Variants in SLCO1B1 observed in about 807,000 individuals in gnomAD.
The protein encoded by SLCO1B1 is solute carrier organic anion transporter family member 1B1.
A neutral mutation model predicts 70.1 loss-of-function variants in SLCO1B1; 81 were observed. That is an observed-to-expected ratio of 1.16 (90% CI 0.97 to 1.39). SLCO1B1 has a LOEUF of 1.39. Ranked by LOEUF, SLCO1B1 falls within the 40% of genes most tolerant of loss-of-function variation. SLCO1B1 has a pLI of 0.00. For missense variants in SLCO1B1, 895 were observed against 799.6 expected, an observed-to-expected ratio of 1.12 and a Z score of -1.44; for synonymous variants, 283 against 271.5, an observed-to-expected ratio of 1.04 and a Z score of -0.42.
At chr12:21,212,935 T>C (rs1435495399) in intron 11 of SLCO1B1, among the ~76,000 whole-genome samples, 9 of 151,970 alleles carry the variant, frequency 5.9e-5, no homozygotes, top group African/African-American at 1.9e-4. Flanking sequence ...TCCTCCATCC[T>C]TTTATTTTGA....
intron 2 of SLCO1B1, among the ~76,000 whole-genome samples, chr12:21,172,076 A>G (rs1344022842): frequency 6.6e-6 from 1 of 152,218 alleles, no homozygotes; most frequent in East Asian, 1.9e-4. Flanking sequence ...AAATTTGTTT[A>G]TGGATATAAA....
intron 7 of SLCO1B1, among the ~76,000 whole-genome samples, chr12:21,183,919 TA>T (rs1299396412): frequency 6.6e-6 from 1 of 151,246 alleles, no homozygotes; most frequent in African/African-American, 2.4e-5. Flanking sequence ...CTTCTGGAAT[TA>T]AAAAAAATAC....
intron 1 of SLCO1B1, among the ~76,000 whole-genome samples, chr12:21,132,959 G>A (rs1412341067): frequency 6.6e-6 from 1 of 151,832 alleles, no homozygotes; most frequent in Non-Finnish European, 1.5e-5. Flanking sequence ...GGTTTTTATG[G>A]TTTTAGGTCT....
At chr12:21,154,294 G>T (rs1028876852) in intron 2 of SLCO1B1, among the ~76,000 whole-genome samples, 2 of 151,998 alleles carry the variant, frequency 1.3e-5, no homozygotes, top group African/African-American at 4.8e-5. Context: ...TGAAGGTAGA[G>T]TCCTCATGAA....
At position 21,239,204 on chromosome 12, in the gene SLCO1B1, C is replaced by T. The variant is rs748196772; in HGVS notation, c.*15C>T. The T allele has an allele frequency of 2.6e-6, 4 of 1,554,946 alleles. No homozygotes were observed. The highest frequency in any genetic ancestry group is 1.1e-5 in the South Asian group (1 of 89,878). On this transcript the variant is annotated 3_prime_UTR_variant, in exon 15 of 15. Coordinates refer to ENST00000256958, the MANE Select transcript of SLCO1B1 (RefSeq NM_006446.5). ...CACATTGTTAAGGGGAGAAAAAAAG[C>T]CACTTCTGCTTCTGTGTTTCCAAAC...
intron 12 of SLCO1B1, among the ~76,000 whole-genome samples, chr12:21,220,938 T>C (rs75702089): frequency 0.014 from 2,122 of 152,106 alleles, 47 homozygotes; most frequent in African/African-American, 0.049. Flanking sequence ...TATAACATGA[T>C]CAAGTTGTTT....
intron 5 of SLCO1B1, 25 bp from the exon 6 acceptor site, chr12:21,178,551 A>G (rs943611305): frequency 4.5e-6 from 7 of 1,542,644 alleles, no homozygotes; most frequent in African/African-American, 1.4e-5. Context: ...AATGTTTAAA[A>G]TGAAACACTC....
intron 2 of SLCO1B1, among the ~76,000 whole-genome samples, chr12:21,165,323 G>C (rs889513031): frequency 6.6e-6 from 1 of 152,016 alleles, no homozygotes; most frequent in African/African-American, 2.4e-5. Context: ...GGAGACGGTA[G>C]CTCAAACTGA....
At chr12:21,150,932 C>T (rs928283491) in intron 2 of SLCO1B1, among the ~76,000 whole-genome samples, 2 of 152,080 alleles carry the variant, frequency 1.3e-5, no homozygotes, top group Non-Finnish European at 2.9e-5. Flanking sequence ...AGATCATTTG[C>T]GTTAAAAGTG....
chr12:21,199,832 T>G (rs1028215250), intron 8 of SLCO1B1, among the ~76,000 whole-genome samples: 7 of 152,056 alleles, frequency 4.6e-5, no homozygotes, highest in African/African-American at 1.7e-4. Context: ...GGAGTCTTGT[T>G]GCTCTATTGC....
intron 14 of SLCO1B1, among the ~76,000 whole-genome samples, chr12:21,238,081 C>T (rs1478135715): frequency 6.6e-6 from 1 of 152,104 alleles, no homozygotes; most frequent in Non-Finnish European, 1.5e-5. Flanking sequence ...CTTTCCATTA[C>T]ACCCACTTAT....
Position 21,178,682 on chromosome 12 carries a change from T to C in SLCO1B1, c.588T>C (p.Ile196=). 6.2e-7 allele frequency: 1 copy of C among 1,607,238 alleles called. No homozygotes were observed. Among genetic ancestry groups the C allele is most frequent in the Non-Finnish European group, 8.5e-7 (1 of 1,173,766 alleles). ...TPIVPLGLSY[I]DDFAKEGHSS... is the part of the protein sequence containing the mutation. Reference sequence around the variant, plus strand: ...TAGTACCATTGGGGCTTTCTTACATTGATGATTTCGCTAAAGAAGGACATT... The same window carrying C: ...TAGTACCATTGGGGCTTTCTTACATCGATGATTTCGCTAAAGAAGGACATT... Residue 196 remains isoleucine, a synonymous_variant, in exon 6 of 15, where the codon ATT becomes ATC. Coordinates refer to ENST00000256958, the MANE Select transcript of SLCO1B1 (RefSeq NM_006446.5).
At chr12:21,237,152 A>G (rs1055626838) in intron 14 of SLCO1B1, among the ~76,000 whole-genome samples, 2 of 152,122 alleles carry the variant, frequency 1.3e-5, no homozygotes, top group African/African-American at 4.8e-5. Context: ...TAAATAGTCT[A>G]TATGACTCTG....
At chr12:21,146,324 T>C (rs1231245718) in intron 2 of SLCO1B1, among the ~76,000 whole-genome samples, 2 of 152,120 alleles carry the variant, frequency 1.3e-5, no homozygotes, top group Admixed American at 6.6e-5. Context: ...ATTAGTAATT[T>C]GTGCCTTCCC....
intron 9 of SLCO1B1, among the ~76,000 whole-genome samples, chr12:21,201,351 T>A (rs1250355069): frequency 6.6e-6 from 1 of 152,138 alleles, no homozygotes; most frequent in Non-Finnish European, 1.5e-5. Context: ...AGCTTCCAGA[T>A]AATCTCTTTG....
chr12:21,163,322 A>G (rs1307831459), intron 2 of SLCO1B1, among the ~76,000 whole-genome samples: 1 of 152,162 alleles, frequency 6.6e-6, no homozygotes, highest in Non-Finnish European at 1.5e-5. Flanking sequence ...GTTATTTTAA[A>G]ATACTTCATT....
intron 2 of SLCO1B1, among the ~76,000 whole-genome samples, chr12:21,145,747 C>A (rs1940374459): frequency 6.6e-6 from 1 of 151,958 alleles, no homozygotes; most frequent in Non-Finnish European, 1.5e-5. Flanking sequence ...TTTAAGTAGG[C>A]ATAAAATGGT....
chr12:21,141,767 T>G (rs1940312403), intron 2 of SLCO1B1, 109 bp downstream of exon 2: 2 of 640,194 alleles, frequency 3.1e-6, no homozygotes, highest in African/African-American at 3.7e-5. Context: ...TAATTTTCAA[T>G]TGAAGCATAT....
intron 2 of SLCO1B1, among the ~76,000 whole-genome samples, chr12:21,161,777 G>A (rs1288206025): frequency 6.6e-6 from 1 of 152,120 alleles, no homozygotes; most frequent in African/African-American, 2.4e-5. Context: ...GGATGCCGAG[G>A]TGGGCGAATC....
Sources: gnomAD v4.1 joint callset for allele counts (sites outside exome capture counted in the v4.1 genomes callset) on GRCh38, gnomAD v4.1.1 for gene constraint, MANE v1.5 for transcripts, NCBI Gene and HGNC (gene_info 2026-07-23, HGNC 2026-07-21) for gene names.